The following HEMK2 variants were observed in gnomAD, a reference collection of about 807,000 sequenced individuals.
The protein encoded by HEMK2 is HemK methyltransferase 2, ETF1 glutamine and histone H4 lysine, also known as methyltransferase HEMK2.
the HEMK2 span, among the ~76,000 whole-genome samples, chr21:28,741,278 C>T: frequency 6.6e-6 from 1 of 152,162 alleles, no homozygotes; most frequent in African/African-American, 2.4e-5. Context: ...AAAGATGACA[C>T]AAGATCATGC....
the HEMK2 span, among the ~76,000 whole-genome samples, chr21:28,823,486 T>C: frequency 6.6e-6 from 1 of 152,212 alleles, no homozygotes; most frequent in Non-Finnish European, 1.5e-5. Context: ...TTTGTTGTTG[T>C]TGTTTAAAGT....
the HEMK2 span, among the ~76,000 whole-genome samples, chr21:28,767,185 G>A: frequency 6.6e-6 from 1 of 151,984 alleles, no homozygotes; most frequent in African/African-American, 2.4e-5. Context: ...GATGTGACTT[G>A]CTCCTCCTTG....
the HEMK2 span, among the ~76,000 whole-genome samples, chr21:28,727,147 G>A: frequency 5.9e-5 from 9 of 152,154 alleles, no homozygotes; most frequent in African/African-American, 2.2e-4. Flanking sequence ...GGGTGCCTAT[G>A]GAGAGATGAG....
At chr21:28,776,700 G>C in the HEMK2 span, among the ~76,000 whole-genome samples, 13,776 of 152,224 alleles carry the variant, frequency 0.09, 869 homozygotes, top group South Asian at 0.17. Flanking sequence ...CTAAAGGCCT[G>C]AGAGTCCCTG....
chr21:28,682,612 T>C, the HEMK2 span, among the ~76,000 whole-genome samples: 3 of 152,240 alleles, frequency 2.0e-5, no homozygotes, highest in East Asian at 1.9e-4. Flanking sequence ...CGTATATTTA[T>C]TGTGGCACTA....
the HEMK2 span, among the ~76,000 whole-genome samples, chr21:28,811,714 T>C: frequency 1.3e-5 from 2 of 152,178 alleles, no homozygotes; most frequent in African/African-American, 2.4e-5. Context: ...TCTGACTCTC[T>C]CACTAGGTTG....
chr21:28,731,081 T>A, the HEMK2 span, among the ~76,000 whole-genome samples: 1 of 151,942 alleles, frequency 6.6e-6, no homozygotes, highest in African/African-American at 2.4e-5. Flanking sequence ...CATAAATAAA[T>A]CCTGAATGAG....
chr21:28,864,812 C>CAGATAGATAGATAGAT, the HEMK2 span, among the ~76,000 whole-genome samples: 20 of 113,948 alleles, frequency 1.8e-4, no homozygotes, highest in African/African-American at 3.5e-4. Flanking sequence ...CTCTGAAAGA[C>CAGATAGATAGATAGAT]AGACAGACAG....
the HEMK2 span, among the ~76,000 whole-genome samples, chr21:28,810,207 T>G: frequency 6.6e-6 from 1 of 152,130 alleles, no homozygotes; most frequent in African/African-American, 2.4e-5. Context: ...GACACAAATT[T>G]TTCCCACCCA....
the HEMK2 span, among the ~76,000 whole-genome samples, chr21:28,698,123 C>T: frequency 2.0e-5 from 3 of 152,214 alleles, no homozygotes; most frequent in Admixed American, 1.3e-4. Flanking sequence ...CTTCTTAATA[C>T]TATTGTATTG....
the HEMK2 span, among the ~76,000 whole-genome samples, chr21:28,748,884 C>T: frequency 5.9e-5 from 9 of 152,140 alleles, no homozygotes; most frequent in Admixed American, 1.3e-4. Context: ...ACCAAACTCA[C>T]GGGGATATGT....
At chr21:28,658,013 TAAGAC>T in the HEMK2 span, among the ~76,000 whole-genome samples, 12 of 152,182 alleles carry the variant, frequency 7.9e-5, no homozygotes, top group South Asian at 2.5e-3. Context: ...TTCTGTGAAT[TAAGAC>T]AAGCCATTTC....
the HEMK2 span, among the ~76,000 whole-genome samples, chr21:28,609,868 A>AT: frequency 6.6e-6 from 1 of 152,068 alleles, no homozygotes; most frequent in Non-Finnish European, 1.5e-5. Flanking sequence ...AAGACAAAAA[A>AT]TTTTTTTAAA....
chr21:28,640,590 T>C, the HEMK2 span, among the ~76,000 whole-genome samples: 8 of 152,166 alleles, frequency 5.3e-5, no homozygotes, highest in Non-Finnish European at 8.8e-5. Flanking sequence ...ATCTCTGAAA[T>C]CCCTGCATCT....
At chr21:28,777,718 TA>T in the HEMK2 span, among the ~76,000 whole-genome samples, 1 of 152,270 alleles carries the variant, frequency 6.6e-6, no homozygotes, top group African/African-American at 2.4e-5. Context: ...GTTGTTAGAA[TA>T]AAAAACATTC....
chr21:28,781,823 C>T, the HEMK2 span, among the ~76,000 whole-genome samples: 5 of 152,196 alleles, frequency 3.3e-5, no homozygotes, highest in African/African-American at 1.2e-4. Context: ...TTGATACTGT[C>T]TGGCCCAATG....
chr21:28,877,825 T>C, the HEMK2 span, among the ~76,000 whole-genome samples: 2 of 152,074 alleles, frequency 1.3e-5, no homozygotes, highest in African/African-American at 2.4e-5. Context: ...GCTTTCATGA[T>C]AAAACTCCTA....
At chr21:28,859,935 A>G in the HEMK2 span, among the ~76,000 whole-genome samples, 30 of 152,370 alleles carry the variant, frequency 2.0e-4, no homozygotes, top group East Asian at 5.2e-3. Context: ...TGGAAACAAG[A>G]TATACTGAGT....
the HEMK2 span, among the ~76,000 whole-genome samples, chr21:28,595,865 A>G: frequency 6.6e-6 from 1 of 151,836 alleles, no homozygotes; most frequent in African/African-American, 2.4e-5. Context: ...GCTCACTGCA[A>G]GCTCTGCCTC....
Sources: gnomAD v4.1 joint callset for allele counts (sites outside exome capture counted in the v4.1 genomes callset) on GRCh38, gnomAD v4.1.1 for gene constraint, MANE v1.5 for transcripts, NCBI Gene and HGNC (gene_info 2026-07-23, HGNC 2026-07-21) for gene names.